KNTC1: variants seen among roughly 807,000 people sequenced by gnomAD.
The protein encoded by KNTC1 is kinetochore associated 1.
KNTC1 carries 253 observed loss-of-function variants against 314.4 expected under a neutral mutation model. The ratio of observed to expected loss-of-function variants is 0.80; its 90% CI spans 0.73 to 0.89. The LOEUF (loss-of-function observed/expected upper bound fraction) is 0.89. KNTC1 is among the 40% of genes least tolerant of loss of function. The probability of loss-of-function intolerance (pLI) is 0.00; values close to 1 mark genes in which losing one functional copy is unlikely to be tolerated. For missense variants in KNTC1, 2,475 were observed against 2,572.9 expected, an observed-to-expected ratio of 0.96 and a Z score of 0.82; for synonymous variants, 901 against 901.4, an observed-to-expected ratio of 1.00 and a Z score of 0.01.
At chr12:122,570,095 TA>T (rs1431753302) in intron 22 of KNTC1, among the ~76,000 whole-genome samples, 1 of 152,284 alleles carries the variant, frequency 6.6e-6, no homozygotes, top group Non-Finnish European at 1.5e-5. Context: ...TTGTGGGATC[TA>T]AAAATCAAAA....
chr12:122,532,580 T>A (rs924442869), intron 2 of KNTC1, among the ~76,000 whole-genome samples: 5 of 152,122 alleles, frequency 3.3e-5, no homozygotes, highest in Non-Finnish European at 7.4e-5. Flanking sequence ...AAGGTTGCTG[T>A]TGAAAAATAA....
chr12:122,588,930 A>G (rs576919570), intron 40 of KNTC1, 114 bp downstream of exon 40: 3 of 553,212 alleles, frequency 5.4e-6, no homozygotes, highest in South Asian at 4.4e-5. Flanking sequence ...TTACTATTCA[A>G]AAACTTCAAG....
intron 52 of KNTC1, 86 bp from the exon 53 acceptor site, chr12:122,610,736 C>A: frequency 1.2e-6 from 1 of 837,616 alleles, no homozygotes; most frequent in Non-Finnish European, 2.0e-6. Context: ...GTCTAATGAC[C>A]GTTCCATGGA....
chr12:122,621,667 TATTA>T (rs1258118766), intron 60 of KNTC1, among the ~76,000 whole-genome samples: 1 of 152,224 alleles, frequency 6.6e-6, no homozygotes, highest in Non-Finnish European at 1.5e-5. Context: ...TCATTTGGCT[TATTA>T]ATTACATTTT....
rs79746789 is a variant in KNTC1 at position 122,552,314 on chromosome 12, C to G, written c.1272+618C>G. On this transcript the variant is annotated intron_variant, in intron 16 of 63. Transcript: ENST00000333479. Reference sequence around the variant, plus strand: ...AGGGGGACTTGTGATGCTTCAGGAACTCCTGCTGATTAGGTGGGACTAGAA... The same window carrying G: ...AGGGGGACTTGTGATGCTTCAGGAAGTCCTGCTGATTAGGTGGGACTAGAA... Among the ~76,000 whole-genome samples, 136 of 152,196 alleles carry G rather than the reference C, an allele frequency of 8.9e-4. 4 individuals carry two copies. In the East Asian group the frequency reaches 0.026, roughly 29 times the overall value.
At chr12:122,622,282 T>A (rs962105040) in intron 61 of KNTC1, among the ~76,000 whole-genome samples, 180 bp from the exon 62 acceptor site, 1 of 152,144 alleles carries the variant, frequency 6.6e-6, no homozygotes, top group African/African-American at 2.4e-5. Flanking sequence ...CTGACAGGCC[T>A]CCTTTCCCTT....
At chr12:122,559,928 G>A (rs937875164) in intron 18 of KNTC1, among the ~76,000 whole-genome samples, 1 of 151,848 alleles carries the variant, frequency 6.6e-6, no homozygotes, top group African/African-American at 2.4e-5. Flanking sequence ...AATCACATTC[G>A]GCCATCGTCC....
Position 122,534,776 on chromosome 12 carries a change from T to C in KNTC1, c.242T>C (p.Leu81Pro), listed in dbSNP as rs1961653026. ...ATTTGTAGATCACTTCAATTGCATC[T>C]TGTCTTTGGTAAGTATAATGTAGTG... ...DSICRSLQLH[L>P]VFDTEVDVVG... The change falls in exon 3 of 64, where the codon CTT becomes CCT. Residue 81 changes from leucine (L) to proline (P), a missense_variant. Leu to Pro is a moderately conservative substitution (Grantham distance 98, BLOSUM62 -3). Coordinates refer to ENST00000333479, the MANE Select transcript of KNTC1 (RefSeq NM_014708.6). The C allele has an allele frequency of 6.2e-7, 1 of 1,612,930 alleles. No individual in the cohort carries two copies. Among genetic ancestry groups the C allele is most frequent in the Admixed American group, 1.7e-5 (1 of 59,932 alleles).
In KNTC1 at chr12:122,590,687, T is replaced by C. The variant is rs773771482; in HGVS notation, c.4080T>C (p.Asn1360=). Residue 1360 remains asparagine, a synonymous_variant, in exon 41 of 64, where the codon AAT becomes AAC. Transcript: ENST00000333479. ...TLLPQKDVFE[N]LWKLIDKAWQ... is the part of the protein sequence containing the mutation. Reference sequence around the variant, plus strand: ...TACCTCAAAAAGATGTGTTTGAAAATCTCTGGAAGCTCATAGATAAAGCAT... The same window carrying C: ...TACCTCAAAAAGATGTGTTTGAAAACCTCTGGAAGCTCATAGATAAAGCAT... The C allele has an allele frequency of 1.2e-6, 2 of 1,613,510 alleles. No individual in the cohort carries two copies. Among genetic ancestry groups the C allele is most frequent in the Admixed American group, 1.7e-5 (1 of 59,964 alleles).
At chr12:122,587,172 G>C (rs968213181) in intron 38 of KNTC1, among the ~76,000 whole-genome samples, 4 of 152,176 alleles carry the variant, frequency 2.6e-5, no homozygotes, top group Admixed American at 1.3e-4. Context: ...CTGGTTACTT[G>C]GGAGGCTGAG....
chr12:122,622,074 T>G, intron 61 of KNTC1, 104 bp downstream of exon 61: 1 of 814,478 alleles, frequency 1.2e-6, no homozygotes, highest in Non-Finnish European at 2.0e-6. Context: ...GTCTAGCTGT[T>G]TGTTTATGTA....
rs1873390520 is a variant in KNTC1 at position 122,613,348 on chromosome 12, T to A, written c.5741+118T>A. ...TAGAGTAGCTGTGTGAATACAGTTC[T>A]GTTGCCCTGAATATCCTTGACATTT... On this transcript the variant is annotated intron_variant, in intron 54 of 63. Coordinates refer to ENST00000333479, the MANE Select transcript of KNTC1 (RefSeq NM_014708.6). The A allele has an allele frequency of 2.1e-5, 15 of 725,934 alleles. No individual in the cohort carries two copies. The Middle Eastern group carries it at 1.0e-3, about 50-fold the overall frequency. 45.0% of individuals were successfully genotyped at this position (725,934 alleles called of 1,614,324 possible). A position where few individuals can be genotyped will look rare whatever the true frequency, so the allele number is the denominator to read the frequency against.
At chr12:122,610,947 A>C in intron 53 of KNTC1, 47 bp downstream of exon 53, 1 of 1,382,764 alleles carries the variant, frequency 7.2e-7, no homozygotes, top group Non-Finnish European at 1.0e-6. Flanking sequence ...ATCTCAGCTT[A>C]ACATTTTTTT....
intron 3 of KNTC1, 56 bp from the exon 4 acceptor site, chr12:122,538,283 G>T: frequency 1.0e-6 from 1 of 986,304 alleles, no homozygotes. Context: ...TATTTTTTTT[G>T]TATTGAAAAT....
At chr12:122,596,450 C>T (rs540895603) in intron 43 of KNTC1, among the ~76,000 whole-genome samples, 6 of 151,722 alleles carry the variant, frequency 4.0e-5, no homozygotes, top group Non-Finnish European at 7.4e-5. Flanking sequence ...AACTCCTGAC[C>T]TCGTGATCCA....
chr12:122,554,076 A>AAATATATATATATATATATATAT (rs370146333), intron 16 of KNTC1, among the ~76,000 whole-genome samples: 1 of 109,062 alleles, frequency 9.2e-6, no homozygotes, highest in African/African-American at 3.9e-5. Context: ...AAAAAAAAAA[A>AAATATATATATATATATATATAT]ATATATATAT....
Position 122,585,658 on chromosome 12 carries a change from A to G in KNTC1, c.3557A>G (p.Asp1186Gly). ...LMKASFGTHK[D>G]PYEEWSYSDF... ...TAGGCTTCTTTTGGGACACATAAAG[A>G]TCCATATGAAGAGTGGTCTTACAGT... The change falls in exon 37 of 64, where the codon GAT (aspartate) becomes GGT (glycine). Residue 1186 changes from aspartate to glycine, a missense_variant. Coordinates refer to ENST00000333479, the MANE Select transcript of KNTC1 (RefSeq NM_014708.6). The G allele has an allele frequency of 1.9e-6, 3 of 1,613,936 alleles. No individual in the cohort carries two copies. Among genetic ancestry groups the G allele is most frequent in the Non-Finnish European group, 2.5e-6 (3 of 1,179,834 alleles).
intron 46 of KNTC1, 26 bp downstream of exon 46, chr12:122,602,766 A>C (rs1365527641): frequency 6.2e-7 from 1 of 1,612,302 alleles, no homozygotes; most frequent in Admixed American, 1.7e-5. Context: ...CTTTTTATGA[A>C]TTTTACTGGA....
intron 18 of KNTC1, among the ~76,000 whole-genome samples, chr12:122,558,450 G>A (rs914036203): frequency 1.3e-5 from 2 of 151,994 alleles, no homozygotes; most frequent in African/African-American, 4.8e-5. Context: ...TGCTTGGGAT[G>A]CTGAGGCAGG....
Sources: gnomAD v4.1 joint callset for allele counts (sites outside exome capture counted in the v4.1 genomes callset) on GRCh38, gnomAD v4.1.1 for gene constraint, MANE v1.5 for transcripts, NCBI Gene and HGNC (gene_info 2026-07-23, HGNC 2026-07-21) for gene names.